Variants in XDH observed in about 807,000 individuals in gnomAD.
The protein encoded by XDH is xanthine dehydrogenase.
Under a neutral mutation model 156.1 loss-of-function variants are expected in XDH, and 138 were observed. The observed-to-expected ratio is 0.88, with a 90% confidence interval of 0.77 to 1.02. The LOEUF is 1.02. Ranked by LOEUF, XDH falls within the 50% of genes least tolerant of loss-of-function variation. The pLI is 0.00. For synonymous variants in XDH, 669 were observed against 625.7 expected (o/e 1.07, Z -1.03); for missense variants, 1,849 against 1,684.9 (o/e 1.10, Z -1.71).
intron 13 of XDH, among the ~76,000 whole-genome samples, chr2:31,378,877 G>A (rs778905373): frequency 2.6e-4 from 40 of 151,814 alleles, no homozygotes; most frequent in Non-Finnish European, 4.1e-4. Flanking sequence ...TTACTGAACT[G>A]TGAAATTCAA....
At chr2:31,401,048 T>G (rs1202300182) in intron 4 of XDH, among the ~76,000 whole-genome samples, 172 bp downstream of exon 4, 2 of 152,186 alleles carry the variant, frequency 1.3e-5, no homozygotes, top group East Asian at 3.8e-4. Flanking sequence ...TTTCTTCTTT[T>G]CACCTCACGG....
At chr2:31,401,074 G>C (rs1450475695) in intron 4 of XDH, 146 bp downstream of exon 4, 2 of 852,406 alleles carry the variant, frequency 2.3e-6, no homozygotes, top group Admixed American at 4.0e-5. Flanking sequence ...AGAGGAGATG[G>C]GGAGGTGGCC....
At chr2:31,372,604 C>T (rs924919780) in intron 16 of XDH, among the ~76,000 whole-genome samples, 4 of 152,152 alleles carry the variant, frequency 2.6e-5, no homozygotes, top group African/African-American at 4.8e-5. Context: ...AAAAGAACAA[C>T]AAGAAAAAGA....
At chr2:31,364,955 C>T (rs1302669802) in intron 23 of XDH, among the ~76,000 whole-genome samples, 2 of 152,184 alleles carry the variant, frequency 1.3e-5, no homozygotes, top group Admixed American at 1.3e-4. Flanking sequence ...GTGCATTGGT[C>T]ATCCACAGAA....
At chr2:31,342,374 C>A in intron 31 of XDH, 77 bp from the exon 32 acceptor site, 1 of 1,275,802 alleles carries the variant, frequency 7.8e-7, no homozygotes, top group Non-Finnish European at 1.1e-6. Context: ...ACAGCTTGAC[C>A]CACAACATCT....
At position 31,368,645 on chromosome 2, in the gene XDH, G is replaced by A. The variant is rs762317811; in HGVS notation, c.1996C>T (p.His666Tyr). Residue 666 changes from histidine to tyrosine, a missense_variant, in exon 19 of 36, where the codon CAT (histidine) becomes TAT (tyrosine). Transcript: ENST00000379416. ...FAKDKVTCVG[H>Y]IIGAVVADTP... ...TCAGCAACCACAGCACCAATGATAT[G>A]CCCAACACAAGTAACCTAGTAGCAG... is the stretch of plus-strand genomic sequence containing the variant. 6.2e-7 allele frequency: 1 copy of A among 1,614,140 alleles called. No individual in the cohort carries two copies. Among genetic ancestry groups the A allele is most frequent in the South Asian group, 1.1e-5 (1 of 91,072 alleles).
intron 27 of XDH, 78 bp from the exon 28 acceptor site, chr2:31,348,441 C>T (rs1685363255): frequency 7.3e-7 from 1 of 1,376,608 alleles, no homozygotes; most frequent in African/African-American, 1.4e-5. Context: ...AGGTATGGAG[C>T]CCAGGAACAA....
In XDH at chr2:31,339,370, C is replaced by T; in HGVS notation, c.3774+119G>A. On this transcript the variant is annotated intron_variant, in intron 34 of 35. Transcript: ENST00000379416. ...CCAAGGTCAGTGTCAAACCATCTTC[C>T]CTCCTCAAGATATGCCCTTTGAAGT... is the stretch of plus-strand genomic sequence containing the variant. 2.2e-6 allele frequency: 3 copies of T among 1,373,662 alleles called. No homozygotes were observed. In the Admixed American group the frequency reaches 5.2e-5, roughly 24 times the overall value. 85.1% of individuals were successfully genotyped at this position (1,373,662 alleles called of 1,614,324 possible). A position where few individuals can be genotyped will look rare whatever the true frequency, so the allele number is the denominator to read the frequency against.
rs1346939415 is a variant in XDH at position 31,346,789 on chromosome 2, T to C, written c.3331A>G (p.Ser1111Gly). Residue 1111 changes from serine to glycine, a missense_variant, in exon 30 of 36, where the codon AGT becomes GGT. Ser to Gly is a moderately conservative substitution (Grantham distance 56). Coordinates refer to ENST00000379416, the MANE Select transcript of XDH (RefSeq NM_000379.4). Reference protein sequence around the residue: ...RLEPYKKKNPSGSWEDWVTAA... With the variant: ...RLEPYKKKNPGGSWEDWVTAA... ...CTTACCCAGTCTTCCCAGGAGCCACTGGGATTCTTCTTCTTGTAGGGTTCC... is the reference window on the plus strand; with the variant it reads ...CTTACCCAGTCTTCCCAGGAGCCACCGGGATTCTTCTTCTTGTAGGGTTCC... 3.1e-6 allele frequency: 5 copies of C among 1,614,170 alleles called. No homozygotes were observed. The Middle Eastern group carries it at 4.9e-4, about 160-fold the overall frequency.
At chr2:31,397,618 T>A in intron 6 of XDH, 50 bp downstream of exon 6, 1 of 1,609,968 alleles carries the variant, frequency 6.2e-7, no homozygotes, top group Non-Finnish European at 8.5e-7. Flanking sequence ...GATTTCTGAG[T>A]GTTGCCATTT....
At chr2:31,369,881 TAA>T (rs952731253) in intron 18 of XDH, among the ~76,000 whole-genome samples, 2 of 152,232 alleles carry the variant, frequency 1.3e-5, no homozygotes, top group Admixed American at 1.3e-4. Context: ...GAGTAAAATA[TAA>T]GGACTTTTGT....
At chr2:31,356,487 A>G (rs73922351) in intron 24 of XDH, among the ~76,000 whole-genome samples, 5,204 of 152,308 alleles carry the variant, frequency 0.034, 286 homozygotes, top group African/African-American at 0.12. Flanking sequence ...GTCTAGGTAG[A>G]CAAGAATGGA....
chr2:31,349,718 A>G lies in XDH; in HGVS notation c.2937T>C (p.His979=). ...ACTTGTCAACCTCACTCTTCCGAGCATGATACTGAGAGCTTGCTAGGCATT... is the reference window on the plus strand; with the variant it reads ...ACTTGTCAACCTCACTCTTCCGAGCGTGATACTGAGAGCTTGCTAGGCATT... The part of the protein sequence containing the change: ...WEECLASSQY[H]ARKSEVDKFN... Residue 979 remains histidine, a synonymous_variant, in exon 26 of 36, where the codon CAT becomes CAC. Transcript: ENST00000379416. 6.2e-7 allele frequency: 1 copy of G among 1,614,216 alleles called. No homozygotes were observed. Among genetic ancestry groups the G allele is most frequent in the Non-Finnish European group, 8.5e-7 (1 of 1,180,050 alleles).
intron 30 of XDH, among the ~76,000 whole-genome samples, chr2:31,346,248 G>C (rs1685285533): frequency 6.6e-6 from 1 of 152,202 alleles, no homozygotes; most frequent in African/African-American, 2.4e-5. Flanking sequence ...CTAGAAGTCA[G>C]AGAATTGGGC....
chr2:31,373,741 T>C (rs1686143882), intron 16 of XDH, 132 bp downstream of exon 16: 1 of 845,968 alleles, frequency 1.2e-6, no homozygotes, highest in African/African-American at 1.7e-5. Context: ...CACTGGGTAT[T>C]TACGCACAAG....
Position 31,339,525 on chromosome 2 carries a change from G to T in XDH, c.3738C>A (p.Arg1246=), listed in dbSNP as rs151338723. 1.9e-6 allele frequency: 3 copies of T among 1,614,196 alleles called. No individual in the cohort carries two copies. The highest frequency in any genetic ancestry group is 2.2e-5 in the South Asian group (2 of 91,084). ...IPIEFRVSLL[R]DCPNKKAIYA... ...AGATGGCCTTCTTGTTGGGGCAGTC[G>T]CGGAGCAGGGACACCCTGAACTCAA... is the stretch of plus-strand genomic sequence containing the variant. Residue 1246 remains arginine, a synonymous_variant, in exon 34 of 36, where the codon CGC becomes CGA. Coordinates refer to ENST00000379416, the MANE Select transcript of XDH (RefSeq NM_000379.4).
At chr2:31,410,180 A>T (rs1294208432) in intron 1 of XDH, among the ~76,000 whole-genome samples, 1 of 152,202 alleles carries the variant, frequency 6.6e-6, no homozygotes, top group African/African-American at 2.4e-5. Context: ...AGTCAAATTC[A>T]TAGAGACAGA....
At chr2:31,409,640 T>C (rs1055875457) in intron 1 of XDH, among the ~76,000 whole-genome samples, 2 of 152,130 alleles carry the variant, frequency 1.3e-5, no homozygotes, top group African/African-American at 2.4e-5. Context: ...AGCAAATAAA[T>C]GAAAAGATGC....
chr2:31,346,536 C>T (rs1685298605), intron 30 of XDH, among the ~76,000 whole-genome samples: 1 of 152,136 alleles, frequency 6.6e-6, no homozygotes, highest in Admixed American at 6.5e-5. Flanking sequence ...TGTCAAGATC[C>T]TGGATCAAAA....
Sources: gnomAD v4.1 joint callset for allele counts (sites outside exome capture counted in the v4.1 genomes callset) on GRCh38, gnomAD v4.1.1 for gene constraint, MANE v1.5 for transcripts, NCBI Gene and HGNC (gene_info 2026-07-23, HGNC 2026-07-21) for gene names.